The following SYTL2 variants were observed in gnomAD, a reference collection of about 807,000 sequenced individuals.
SYTL2 encodes the protein synaptotagmin like 2.
In SYTL2, 165 loss-of-function variants were observed where a neutral mutation model predicts 198.7. The observed-to-expected ratio is 0.83, with a 90% confidence interval of 0.73 to 0.94. The LOEUF (loss-of-function observed/expected upper bound fraction) is 0.94. Among genes scored for constraint, SYTL2 ranks in the 40% least tolerant of loss-of-function variants. The pLI is 0.00. For missense variants in SYTL2, 2,835 were observed against 2,582.8 expected (o/e 1.10, Z -2.12); for synonymous variants, 966 against 917.7 (o/e 1.05, Z -0.95).
At chr11:85,853,360 C>A in the SYTL2 span, 1 of 442,400 alleles carries the variant, frequency 2.3e-6, no homozygotes, top group South Asian at 1.6e-5. Context: ...TATGACCTTG[C>A]CCCCAACCCG....
intron 7 of SYTL2, among the ~76,000 whole-genome samples, chr11:85,732,450 G>A (rs1359774442): frequency 6.6e-6 from 1 of 152,146 alleles, no homozygotes; most frequent in African/African-American, 2.4e-5. Context: ...CAGGGACATG[G>A]ATGAAGCTGG....
intron 1 of SYTL2, among the ~76,000 whole-genome samples, chr11:85,779,909 C>A (rs1488257711): frequency 5.9e-5 from 9 of 152,192 alleles, no homozygotes; most frequent in Admixed American, 1.3e-4. Flanking sequence ...TAGGCAAGGT[C>A]AACTTTGCTC....
At chr11:85,820,510 T>C in the SYTL2 span, among the ~76,000 whole-genome samples, 12 of 152,196 alleles carry the variant, frequency 7.9e-5, no homozygotes, top group African/African-American at 2.9e-4. Context: ...GGGAACATGT[T>C]AGAAAAGCAG....
chr11:85,832,673 G>A, the SYTL2 span, among the ~76,000 whole-genome samples: 1 of 152,076 alleles, frequency 6.6e-6, no homozygotes, highest in African/African-American at 2.4e-5. Flanking sequence ...TGTTCAAGCT[G>A]AGACCAGACA....
intron 2 of SYTL2, among the ~76,000 whole-genome samples, chr11:85,752,520 T>A (rs769302864): frequency 3.3e-5 from 5 of 152,160 alleles, no homozygotes; most frequent in Non-Finnish European, 5.9e-5. Context: ...CTCTTTCTCC[T>A]AAGGAACTCA....
At chr11:85,772,432 CTA>C (rs1279161992) in intron 1 of SYTL2, among the ~76,000 whole-genome samples, 2 of 152,162 alleles carry the variant, frequency 1.3e-5, no homozygotes, top group Non-Finnish European at 2.9e-5. Flanking sequence ...CTATGAAGTC[CTA>C]TAAGGTTGTA....
chr11:85,742,815 G>C (rs745861671), intron 4 of SYTL2, among the ~76,000 whole-genome samples: 2 of 152,186 alleles, frequency 1.3e-5, no homozygotes, highest in Non-Finnish European at 2.9e-5. Context: ...CACCTGAAAA[G>C]TCTGTAACCA....
At chr11:85,831,042 T>C in the SYTL2 span, among the ~76,000 whole-genome samples, 2 of 152,218 alleles carry the variant, frequency 1.3e-5, no homozygotes, top group Non-Finnish European at 2.9e-5. Context: ...CATGGGTCTT[T>C]GGGCTGGCTA....
the SYTL2 span, among the ~76,000 whole-genome samples, chr11:85,835,002 C>T: frequency 6.6e-6 from 1 of 152,110 alleles, no homozygotes; most frequent in Non-Finnish European, 1.5e-5. Context: ...GCAAGCAATC[C>T]TCCCACTTCG....
upstream of SYTL2, among the ~76,000 whole-genome samples, chr11:85,815,429 T>C (rs1176519897): frequency 6.6e-6 from 1 of 152,260 alleles, no homozygotes; most frequent in Admixed American, 6.5e-5. Context: ...TTTGGTTTTT[T>C]AAATAATTTG....
chr11:85,779,969 C>A (rs1174885538), intron 1 of SYTL2, among the ~76,000 whole-genome samples: 4 of 152,140 alleles, frequency 2.6e-5, no homozygotes. Context: ...AGTCACTTAA[C>A]CTTCTGAAGC....
At chr11:85,739,734 T>G (rs1028384993) in intron 4 of SYTL2, among the ~76,000 whole-genome samples, 1 of 152,142 alleles carries the variant, frequency 6.6e-6, no homozygotes, top group Non-Finnish European at 1.5e-5. Context: ...AAAACTGAGG[T>G]TCACAGAGGT....
At chr11:85,707,202 G>A (rs1237780876) in intron 15 of SYTL2, among the ~76,000 whole-genome samples, 4 of 152,180 alleles carry the variant, frequency 2.6e-5, no homozygotes, top group Admixed American at 1.3e-4. Context: ...TCATCTGTGA[G>A]ATGCAGATAC....
rs538389812 is a variant in SYTL2 at position 85,733,821 on chromosome 11, G to T, written c.1390+118C>A. Reference sequence around the variant, plus strand: ...TCACCTTGTTAGCCAGGATGGTCTCGATCTCCTGACCTCATGATCCACCCG... The same window carrying T: ...TCACCTTGTTAGCCAGGATGGTCTCTATCTCCTGACCTCATGATCCACCCG... On this transcript the variant is annotated intron_variant, in intron 7 of 19. Transcript: ENST00000359152. The T allele has an allele frequency of 1.7e-5, 13 of 743,612 alleles. No individual in the cohort carries two copies. The East Asian group carries it at 3.3e-4, about 19-fold the overall frequency. The allele number at this position is 743,612 out of a possible 1,614,324, so 46.1% of individuals were successfully genotyped here.
intron 16 of SYTL2, among the ~76,000 whole-genome samples, chr11:85,704,068 A>C (rs1413768226): frequency 6.6e-6 from 1 of 152,152 alleles, no homozygotes; most frequent in Non-Finnish European, 1.5e-5. Context: ...CAATATTTAT[A>C]TTAAGTGCAA....
At chr11:85,840,017 T>G in the SYTL2 span, among the ~76,000 whole-genome samples, 16 of 152,234 alleles carry the variant, frequency 1.1e-4, no homozygotes, top group Non-Finnish European at 2.4e-4. Context: ...TAGTTTTGAT[T>G]TGCATTTCTC....
chr11:85,722,437 G>A (rs956980166), intron 8 of SYTL2, among the ~76,000 whole-genome samples: 5 of 152,180 alleles, frequency 3.3e-5, no homozygotes, highest in African/African-American at 1.2e-4. Flanking sequence ...GCCTCCCAAA[G>A]TGCTGGGATT....
At chr11:85,711,635 C>A (rs983428838) in intron 12 of SYTL2, among the ~76,000 whole-genome samples, 3 of 152,130 alleles carry the variant, frequency 2.0e-5, no homozygotes, top group African/African-American at 7.2e-5. Flanking sequence ...ACCAAAACAT[C>A]ATGTTTAATT....
chr11:85,718,082 G>C (rs1438512625), intron 10 of SYTL2, among the ~76,000 whole-genome samples: 1 of 152,072 alleles, frequency 6.6e-6, no homozygotes, highest in Non-Finnish European at 1.5e-5. Flanking sequence ...TTATAGTGAA[G>C]GCAAATTTAA....
Sources: gnomAD v4.1 joint callset for allele counts (sites outside exome capture counted in the v4.1 genomes callset) on GRCh38, gnomAD v4.1.1 for gene constraint, MANE v1.5 for transcripts, NCBI Gene and HGNC (gene_info 2026-07-23, HGNC 2026-07-21) for gene names.